CEP120: variants seen among roughly 807,000 people sequenced by gnomAD.
The protein encoded by CEP120 is centrosomal protein of 120 kDa.
In CEP120, 113 loss-of-function variants were observed where a neutral mutation model predicts 126.5. The ratio of observed to expected loss-of-function variants is 0.89; its 90% CI spans 0.77 to 1.04. CEP120 has a LOEUF of 1.04. Among genes scored for constraint, CEP120 ranks in the 50% least tolerant of loss-of-function variants. CEP120 has a pLI of 0.00. For missense variants in CEP120, 1,230 were observed against 1,155.7 expected, an observed-to-expected ratio of 1.06 and a Z score of -0.93; for synonymous variants, 400 against 394.3, an observed-to-expected ratio of 1.01 and a Z score of -0.17.
intron 17 of CEP120, among the ~76,000 whole-genome samples, chr5:123,368,511 G>A (rs1770629063): frequency 6.6e-6 from 1 of 151,918 alleles, no homozygotes; most frequent in African/African-American, 2.4e-5. Flanking sequence ...AAATATGTAA[G>A]AAAAAGAATC....
intron 3 of CEP120, among the ~76,000 whole-genome samples, chr5:123,414,971 C>CAAAAAAAAAAAAAAA (rs56756568): frequency 2.0e-4 from 8 of 40,662 alleles, no homozygotes; most frequent in African/African-American, 8.1e-4. Context: ...GACTCCATCT[C>CAAAAAAAAAAAAAAA]AAAAAAAAAA....
chr5:123,422,072 T>C (rs1029816858), intron 1 of CEP120, among the ~76,000 whole-genome samples: 1 of 152,224 alleles, frequency 6.6e-6, no homozygotes, highest in Non-Finnish European at 1.5e-5. Context: ...CTCCACTTTC[T>C]TGCAAATCTG....
chr5:123,346,845 G>T, intron 19 of CEP120, 92 bp from the exon 20 acceptor site: 1 of 933,454 alleles, frequency 1.1e-6, no homozygotes, highest in Non-Finnish European at 1.5e-6. Context: ...GGTAAGACAA[G>T]GTTTTAGTAA....
At chr5:123,377,652 T>C in intron 15 of CEP120, 117 bp from the exon 16 acceptor site, 1 of 808,594 alleles carries the variant, frequency 1.2e-6, no homozygotes, top group Non-Finnish European at 1.9e-6. Flanking sequence ...TTTATTTTCA[T>C]ATCTTTTTTA....
Position 123,391,115 on chromosome 5 carries a change from A to G in CEP120, c.1033T>C (p.Ser345Pro). 1.2e-6 allele frequency: 2 copies of G among 1,610,944 alleles called. No homozygotes were observed. The highest frequency in any genetic ancestry group is 1.7e-6 in the Non-Finnish European group (2 of 1,177,962). Residue 345 changes from serine to proline, a missense_variant, in exon 7 of 20, where the codon TCC becomes CCC. Transcript: ENST00000306467. ...GAAGGAGGGCCACTACTTGCCTGGG[A>G]GTCTATGCCTTCTCTCTGCAGAGCC... ...SVALQREGIDSQSLIELKTQN... is the reference protein window; with the variant it reads ...SVALQREGIDPQSLIELKTQN...
chr5:123,419,396 A>C (rs754254100), intron 1 of CEP120, among the ~76,000 whole-genome samples: 4 of 152,118 alleles, frequency 2.6e-5, no homozygotes, highest in Non-Finnish European at 5.9e-5. Context: ...AAATGCAAAA[A>C]ATTAGCCGGG....
intron 19 of CEP120, among the ~76,000 whole-genome samples, chr5:123,348,551 G>A (rs4836532): frequency 0.71 from 108,616 of 152,164 alleles, 38,901 homozygotes; most frequent in African/African-American, 0.75. Flanking sequence ...CTGACCTTTT[G>A]CAACTGGTAT....
chr5:123,418,318 T>C, intron 2 of CEP120, 41 bp downstream of exon 2: 1 of 1,494,914 alleles, frequency 6.7e-7, no homozygotes, highest in Non-Finnish European at 9.0e-7. Flanking sequence ...GCCTGAAAAA[T>C]AAGAAACCAA....
At chr5:123,394,310 C>T (rs1772611804) in intron 5 of CEP120, among the ~76,000 whole-genome samples, 1 of 152,142 alleles carries the variant, frequency 6.6e-6, no homozygotes, top group Admixed American at 6.5e-5. Context: ...AATTCTTCCA[C>T]AAACAGGAGG....
At chr5:123,388,695 T>G (rs1349814548) in intron 8 of CEP120, 89 bp from the exon 9 acceptor site, 4 of 1,070,382 alleles carry the variant, frequency 3.7e-6, no homozygotes, top group Admixed American at 6.1e-5. Context: ...ATCATCTCAT[T>G]TACCTTTAAG....
intron 16 of CEP120, among the ~76,000 whole-genome samples, chr5:123,376,630 T>TAGA (rs1771245356): frequency 6.6e-6 from 1 of 151,878 alleles, no homozygotes; most frequent in South Asian, 2.1e-4. Context: ...CATTTACAGG[T>TAGA]AGAAGGTCAA....
chr5:123,345,626 A>ATGAG lies in CEP120; in HGVS notation c.*889_*892dup, dbSNP rs1298190692. 1.3e-5 allele frequency: 2 copies of ATGAG among 152,142 alleles called. No individual in the cohort carries two copies. Among genetic ancestry groups the ATGAG allele is most frequent in the Non-Finnish European group, 2.9e-5 (2 of 68,016 alleles). 9.4% of individuals were successfully genotyped at this position (152,142 alleles called of 1,614,324 possible). A position where few individuals can be genotyped will look rare whatever the true frequency, so the allele number is the denominator to read the frequency against. On this transcript the variant is annotated 3_prime_UTR_variant, in exon 20 of 20. Coordinates refer to ENST00000306467, the MANE Select transcript of CEP120 (RefSeq NM_001375405.1). Reference sequence around the variant, plus strand: ...ACAGACAGGGCACTGCATAAATCCAATGAGTGAATCTCGTGCGCTTTTGAA... The same window carrying ATGAG: ...ACAGACAGGGCACTGCATAAATCCAATGAGTGAGTGAATCTCGTGCGCTTTTGAA...
intron 1 of CEP120, among the ~76,000 whole-genome samples, chr5:123,419,875 G>T (rs1774610801): frequency 6.6e-6 from 1 of 152,136 alleles, no homozygotes; most frequent in African/African-American, 2.4e-5. Context: ...CAACGAAGAA[G>T]CACTAAGAAT....
chr5:123,413,502 G>A (rs1408309257), intron 3 of CEP120, among the ~76,000 whole-genome samples: 1 of 152,034 alleles, frequency 6.6e-6, no homozygotes, highest in East Asian at 1.9e-4. Context: ...TAGTACTCAA[G>A]ATAGCCTGAA....
At chr5:123,389,806 G>T in intron 8 of CEP120, 118 bp downstream of exon 8, 2 of 891,496 alleles carry the variant, frequency 2.2e-6, no homozygotes, top group Non-Finnish European at 3.4e-6. Context: ...AGCCTTATTG[G>T]TTCTTAACAA....
At chr5:123,411,230 G>A (rs1391683515) in intron 4 of CEP120, among the ~76,000 whole-genome samples, 1 of 152,170 alleles carries the variant, frequency 6.6e-6, no homozygotes, top group Non-Finnish European at 1.5e-5. Context: ...CATTGCTAGT[G>A]GGAATGCCAA....
At chr5:123,390,400 T>C (rs1772315576) in intron 7 of CEP120, 6 of 542,350 alleles carry the variant, frequency 1.1e-5, no homozygotes, top group African/African-American at 1.9e-5. Context: ...AGAAAAGAAG[T>C]CAGGCATAGG....
rs553045598 is a variant in CEP120 at position 123,346,093 on chromosome 5, T to C, written c.*426A>G. On this transcript the variant is annotated 3_prime_UTR_variant, in exon 20 of 20. Transcript: ENST00000306467. ...CTAAAATGAGTTAAACTGGTTACAATTGGTCTCAACTTTTAAGAATTTACA... is the reference window on the plus strand; with the variant it reads ...CTAAAATGAGTTAAACTGGTTACAACTGGTCTCAACTTTTAAGAATTTACA... 3.8e-5 allele frequency: 6 copies of C among 156,084 alleles called. No individual in the cohort carries two copies. The highest frequency in any genetic ancestry group is 2.0e-4 in the South Asian group (1 of 5,044). The allele number at this position is 156,084 out of a possible 1,614,324, so 9.7% of individuals were successfully genotyped here. A position where few individuals can be genotyped will look rare whatever the true frequency, so the allele number is the denominator to read the frequency against.
intron 10 of CEP120, 104 bp downstream of exon 10, chr5:123,386,414 A>G: frequency 1.2e-6 from 1 of 801,584 alleles, no homozygotes; most frequent in Non-Finnish European, 1.7e-6. Flanking sequence ...CAAATGCATA[A>G]ACTGCTATGG....
Sources: gnomAD v4.1 joint callset for allele counts (sites outside exome capture counted in the v4.1 genomes callset) on GRCh38, gnomAD v4.1.1 for gene constraint, MANE v1.5 for transcripts, NCBI Gene and HGNC (gene_info 2026-07-23, HGNC 2026-07-21) for gene names.